CAPSL: variants seen among roughly 807,000 people sequenced by gnomAD.
CAPSL encodes the protein calcyphosin-like protein.
A neutral mutation model predicts 21.3 loss-of-function variants in CAPSL; 17 were observed. The ratio of observed to expected loss-of-function variants is 0.80; its 90% CI spans 0.55 to 1.20. The LOEUF is 1.20. Among genes scored for constraint, CAPSL ranks in the 50% most tolerant of loss-of-function variants. The pLI is 0.00. For missense variants in CAPSL, 289 were observed against 259.3 expected (o/e 1.11, Z -0.79); for synonymous variants, 102 against 89.3 (o/e 1.14, Z -0.80).
rs184839715 is a variant in CAPSL at position 35,922,755 on chromosome 5, G to A, written c.1-1635C>T. Among the ~76,000 whole-genome samples the A allele has an allele frequency of 5.9e-5, 9 of 152,238 alleles. No individual in the cohort carries two copies. The East Asian group carries it at 1.2e-3, about 20-fold the overall frequency. On this transcript the variant is annotated intron_variant, in intron 1 of 4. Transcript: ENST00000651391. ...CAGCTTTAGCTTTCTAATAACTGGC[G>A]TTTGCTTATTACTATTTTGTTACCT...
At chr5:35,906,318 T>G (rs1760679199) in intron 4 of CAPSL, among the ~76,000 whole-genome samples, 1 of 152,236 alleles carries the variant, frequency 6.6e-6, no homozygotes, top group African/African-American at 2.4e-5. Flanking sequence ...CCCACAGAAG[T>G]TGAAAAACTC....
chr5:35,904,716 G>T, intron 4 of CAPSL, 70 bp from the exon 5 acceptor site: 1 of 1,594,270 alleles, frequency 6.3e-7, no homozygotes, highest in Non-Finnish European at 8.5e-7. Flanking sequence ...CCCACCTTGT[G>T]CACCTGTAAA....
chr5:35,921,007 A>G lies in CAPSL; in HGVS notation c.114T>C (p.Ser38=). ...RLRLQCLARG[S]AGIKGLGRVF... The stretch of plus-strand genomic sequence containing the variant: ...ACCTGCCAAGTCCTTTGATCCCAGC[A>G]GAGCCCCTGGCCAGGCACTGCAGTC... The change falls in exon 2 of 5, where the codon TCT becomes TCC. Residue 38 remains serine (S), a synonymous_variant. Coordinates refer to ENST00000651391, the MANE Select transcript of CAPSL (RefSeq NM_001042625.2). 2.5e-6 allele frequency: 4 copies of G among 1,614,088 alleles called. No homozygotes were observed. Among genetic ancestry groups the G allele is most frequent in the Middle Eastern group, 1.6e-4 (1 of 6,062 alleles).
intron 2 of CAPSL, among the ~76,000 whole-genome samples, chr5:35,919,106 A>G (rs1738465060): frequency 1.3e-5 from 2 of 149,748 alleles, no homozygotes; most frequent in Non-Finnish European, 1.5e-5. Context: ...TTTGGATTGG[A>G]TACTAAGTCA....
chr5:35,923,249 T>C (rs898926406), intron 1 of CAPSL, among the ~76,000 whole-genome samples: 11 of 152,014 alleles, frequency 7.2e-5, no homozygotes, highest in African/African-American at 2.7e-4. Context: ...AAACAGAGAC[T>C]AAAAACCAGT....
chr5:35,908,039 C>G (rs1336011428), intron 4 of CAPSL, among the ~76,000 whole-genome samples: 1 of 152,104 alleles, frequency 6.6e-6, no homozygotes, highest in Non-Finnish European at 1.5e-5. Flanking sequence ...TAGCAAATGC[C>G]CAGTTGATAT....
At chr5:35,919,168 A>ATTATATATATATATATATATATATATAT (rs1328263175) in intron 2 of CAPSL, among the ~76,000 whole-genome samples, 17 of 113,004 alleles carry the variant, frequency 1.5e-4, no homozygotes, top group African/African-American at 4.8e-4. Context: ...ATTAAAAAAA[A>ATTATATATATATATATATATATATATAT]AAATATATAT....
intron 1 of CAPSL, among the ~76,000 whole-genome samples, chr5:35,924,620 A>G (rs968575593): frequency 6.6e-6 from 1 of 152,174 alleles, no homozygotes. Flanking sequence ...CATAGTAAGC[A>G]TCCCTTTTAA....
chr5:35,935,885 A>G (rs1298482004), intron 1 of CAPSL, among the ~76,000 whole-genome samples: 1 of 152,298 alleles, frequency 6.6e-6, no homozygotes, highest in East Asian at 1.9e-4. Context: ...ATCTCAGAAT[A>G]ATAGCTAACT....
chr5:35,929,573 G>A (rs1441188972), intron 1 of CAPSL, among the ~76,000 whole-genome samples: 2 of 152,214 alleles, frequency 1.3e-5, no homozygotes, highest in African/African-American at 4.8e-5. Context: ...ACAGGCGTAA[G>A]CCACCACGCC....
intron 1 of CAPSL, among the ~76,000 whole-genome samples, chr5:35,926,471 T>TG (rs111402578): frequency 0.43 from 65,399 of 151,606 alleles, 15,013 homozygotes; most frequent in African/African-American, 0.6. Context: ...CCAAACTCTC[T>TG]CCCGCCTGGA....
chr5:35,905,056 T>C (rs1262864929), intron 4 of CAPSL, among the ~76,000 whole-genome samples: 1 of 152,160 alleles, frequency 6.6e-6, no homozygotes, highest in Non-Finnish European at 1.5e-5. Flanking sequence ...ATGTTTTCCC[T>C]TTCCAAAAAT....
chr5:35,904,362 C>G lies in CAPSL; in HGVS notation c.*183G>C. On this transcript the variant is annotated 3_prime_UTR_variant, in exon 5 of 5. Transcript: ENST00000651391. ...GAAACAGTCTTAGGCAAGGCAAACT[C>G]ACAGTTGGCTACTCAATGTCTTTTA... is the stretch of plus-strand genomic sequence containing the variant. The G allele has an allele frequency of 1.7e-6, 1 of 602,610 alleles. No homozygotes were observed. Among genetic ancestry groups the G allele is most frequent in the Non-Finnish European group, 3.0e-6 (1 of 338,320 alleles). The allele number at this position is 602,610 out of a possible 1,614,324, so 37.3% of individuals were successfully genotyped here.
chr5:35,931,456 G>T (rs116024201), intron 1 of CAPSL, among the ~76,000 whole-genome samples: 1 of 151,062 alleles, frequency 6.6e-6, no homozygotes, highest in African/African-American at 2.4e-5. Context: ...AAAAAACAAG[G>T]TTTAATAAAA....
intron 1 of CAPSL, among the ~76,000 whole-genome samples, chr5:35,928,623 C>T (rs1438087942): frequency 6.6e-6 from 1 of 152,162 alleles, no homozygotes; most frequent in African/African-American, 2.4e-5. Context: ...CAATCCCCCC[C>T]ACCCCCAGGA....
At chr5:35,922,694 C>A in intron 1 of CAPSL, among the ~76,000 whole-genome samples, 1 of 152,210 alleles carries the variant, frequency 6.6e-6, no homozygotes, top group East Asian at 1.9e-4. Context: ...TCTCATCCAA[C>A]AGGGACACCT....
chr5:35,919,160 T>TTTAAAAA (rs139738118), intron 2 of CAPSL, among the ~76,000 whole-genome samples: 1 of 129,204 alleles, frequency 7.7e-6, no homozygotes, highest in Non-Finnish European at 1.6e-5. Flanking sequence ...CTTTCCTGAT[T>TTTAAAAA]AAAAAAAAAA....
chr5:35,904,683 G>T (rs1760637365), intron 4 of CAPSL, 37 bp from the exon 5 acceptor site: 2 of 1,609,414 alleles, frequency 1.2e-6, no homozygotes, highest in Non-Finnish European at 1.7e-6. Context: ...ACGAAACTTT[G>T]CTTCTCACTC....
intron 1 of CAPSL, among the ~76,000 whole-genome samples, chr5:35,934,059 C>T (rs956530150): frequency 6.6e-6 from 1 of 152,182 alleles, no homozygotes; most frequent in African/African-American, 2.4e-5. Context: ...ATTCTGTTGA[C>T]TTCTGAAATA....
Sources: gnomAD v4.1 joint callset for allele counts (sites outside exome capture counted in the v4.1 genomes callset) on GRCh38, gnomAD v4.1.1 for gene constraint, MANE v1.5 for transcripts, NCBI Gene and HGNC (gene_info 2026-07-23, HGNC 2026-07-21) for gene names.